The following NBAS variants were observed in gnomAD, a reference collection of about 807,000 sequenced individuals.
The protein encoded by NBAS is NBAS subunit of NRZ tethering complex, also known as NAG/BC035112 fusion.
NBAS carries 219 observed loss-of-function variants against 302.5 expected under a neutral mutation model. The observed-to-expected ratio is 0.72, with a 90% confidence interval of 0.65 to 0.81. The LOEUF (loss-of-function observed/expected upper bound fraction) is 0.81. Ranked by LOEUF, NBAS falls within the 30% of genes least tolerant of loss-of-function variation. The pLI is 0.00. For missense variants in NBAS, 2,932 were observed against 2,841.6 expected (o/e 1.03, Z -0.72); for synonymous variants, 1,118 against 1,021.6 (o/e 1.09, Z -1.80).
chr2:15,364,755 C>G (rs1674113281), intron 32 of NBAS, among the ~76,000 whole-genome samples: 1 of 152,060 alleles, frequency 6.6e-6, no homozygotes, highest in South Asian at 2.1e-4. Context: ...AGTAATGCAG[C>G]CTTTGACAGA....
At chr2:14,807,492 G>A in the NBAS span, among the ~76,000 whole-genome samples, 1 of 150,120 alleles carries the variant, frequency 6.7e-6, no homozygotes, top group African/African-American at 2.5e-5. Flanking sequence ...TGTGTAACCG[G>A]GTGAATATTG....
intron 35 of NBAS, among the ~76,000 whole-genome samples, chr2:15,333,008 G>C (rs1316781800): frequency 6.6e-6 from 1 of 152,176 alleles, no homozygotes; most frequent in Non-Finnish European, 1.5e-5. Flanking sequence ...AAGGAGCTCA[G>C]AAAATAGGAA....
At chr2:15,383,549 A>G (rs1309244494) in intron 28 of NBAS, among the ~76,000 whole-genome samples, 1 of 152,208 alleles carries the variant, frequency 6.6e-6, no homozygotes, top group Admixed American at 6.5e-5. Flanking sequence ...ATGGTGACAA[A>G]GTGGTCTGTC....
the NBAS span, among the ~76,000 whole-genome samples, chr2:14,994,975 A>C: frequency 4.5e-3 from 687 of 152,240 alleles, 7 homozygotes; most frequent in African/African-American, 0.016. Context: ...TCAGCTGGTG[A>C]GTATGTCAAA....
the NBAS span, among the ~76,000 whole-genome samples, chr2:15,112,267 TG>T: frequency 1.3e-5 from 2 of 151,768 alleles, no homozygotes; most frequent in African/African-American, 4.8e-5. Flanking sequence ...TTTAAAAAAT[TG>T]CTTTTAGAAA....
the NBAS span, among the ~76,000 whole-genome samples, chr2:14,816,658 A>G: frequency 6.6e-6 from 1 of 152,222 alleles, no homozygotes; most frequent in African/African-American, 2.4e-5. Flanking sequence ...ATTCATTCGT[A>G]AAGATTCAGT....
chr2:14,854,570 C>T, the NBAS span, among the ~76,000 whole-genome samples: 1 of 151,824 alleles, frequency 6.6e-6, no homozygotes, highest in Non-Finnish European at 1.5e-5. Flanking sequence ...AAATTGCAGA[C>T]CCCGCTCCTC....
chr2:14,805,135 A>T, the NBAS span, among the ~76,000 whole-genome samples: 1 of 152,228 alleles, frequency 6.6e-6, no homozygotes, highest in Non-Finnish European at 1.5e-5. Flanking sequence ...GGGGAAGAAC[A>T]GGTGAAAAAT....
intron 21 of NBAS, among the ~76,000 whole-genome samples, chr2:15,451,051 C>CATTT (rs1459763924): frequency 3.3e-5 from 5 of 151,780 alleles, no homozygotes; most frequent in East Asian, 1.9e-4. Context: ...TTCATTCATC[C>CATTT]ATTTATTTAT....
the NBAS span, among the ~76,000 whole-genome samples, chr2:14,912,702 T>TAAA: frequency 2.1e-3 from 208 of 101,108 alleles, no homozygotes; most frequent in African/African-American, 7.5e-3. Context: ...GCATTCATTT[T>TAAA]TAAAAAAAAA....
At chr2:15,513,519 T>A (rs1008299554) in intron 9 of NBAS, among the ~76,000 whole-genome samples, 3 of 151,258 alleles carry the variant, frequency 2.0e-5, no homozygotes, top group South Asian at 2.1e-4. Context: ...AAAATATTGA[T>A]GAAAAAAGAA....
the NBAS span, among the ~76,000 whole-genome samples, chr2:14,779,382 A>C: frequency 6.6e-6 from 1 of 152,168 alleles, no homozygotes; most frequent in Non-Finnish European, 1.5e-5. Context: ...AATAGCTCAC[A>C]TCAGTCCTCT....
rs760059454 is a variant in NBAS, at chr2:15,396,397, CTG to C, written c.3134+14_3134+15del. ...TAATAAGCATGGAGAAAAAAAAAAA[CTG>C]TCATTTTTCTCACCTGAGAATTTGT... On this transcript the variant is annotated intron_variant, in intron 27 of 51. Transcript: ENST00000281513. The C allele has an allele frequency of 3.2e-6, 5 of 1,571,872 alleles. No homozygotes were observed. The highest frequency in any genetic ancestry group is 3.5e-6 in the Non-Finnish European group (4 of 1,152,292).
intron 50 of NBAS, among the ~76,000 whole-genome samples, chr2:15,186,108 ACAT>A (rs1243001029): frequency 6.7e-6 from 1 of 149,616 alleles, no homozygotes; most frequent in Non-Finnish European, 1.5e-5. Context: ...ACACACACAC[ACAT>A]ATGTGTATGT....
At position 15,418,037 on chromosome 2, in the gene NBAS, T is replaced by TAAG. The variant is rs200497351; in HGVS notation, c.2578-328_2578-326dup. On this transcript the variant is annotated intron_variant, in intron 23 of 51. Transcript: ENST00000281513. ...TTCTTACAACATTATATTTACATAA[T>TAAG]AAGAGAAAAAACACATACCTACTAA... Among the ~76,000 whole-genome samples, 1,027 of 152,276 alleles carry TAAG rather than the reference T, an allele frequency of 6.7e-3. 12 individuals carry two copies. The highest frequency in any genetic ancestry group is 0.022 in the African/African-American group (926 of 41,570).
the NBAS span, among the ~76,000 whole-genome samples, chr2:14,967,017 T>C: frequency 6.6e-6 from 1 of 152,128 alleles, no homozygotes; most frequent in Non-Finnish European, 1.5e-5. Flanking sequence ...TGTATACTGA[T>C]AAACAATTAG....
the NBAS span, among the ~76,000 whole-genome samples, chr2:14,918,560 G>C: frequency 6.6e-6 from 1 of 152,210 alleles, no homozygotes; most frequent in Non-Finnish European, 1.5e-5. Context: ...TTCATGTCTA[G>C]ACCATTAACC....
In NBAS at chr2:15,276,920, A is replaced by T; in HGVS notation, c.5320T>A (p.Leu1774Met). Residue 1774 changes from leucine to methionine, a missense_variant, in exon 43 of 52, where the codon TTG becomes ATG. By Grantham distance (15) the Leu-to-Met change is conservative. Transcript: ENST00000281513. Reference sequence around the variant, plus strand: ...TCTGGTTTAATGGCACAGTTCCCCAAATCTGCACAGCCACAGTTTTCCAGA... The same window carrying T: ...TCTGGTTTAATGGCACAGTTCCCCATATCTGCACAGCCACAGTTTTCCAGA... ...TLLENCGCADLGNCAIKPETH... is the reference protein window; with the variant it reads ...TLLENCGCADMGNCAIKPETH... 6.2e-7 allele frequency: 1 copy of T among 1,614,054 alleles called. No individual in the cohort carries two copies. The highest frequency in any genetic ancestry group is 8.5e-7 in the Non-Finnish European group (1 of 1,179,978).
chr2:15,513,172 C>T (rs1662222930), intron 9 of NBAS, among the ~76,000 whole-genome samples: 1 of 152,218 alleles, frequency 6.6e-6, no homozygotes, highest in South Asian at 2.1e-4. Context: ...CTTGGGCCTA[C>T]ACACAAAGCC....
Sources: gnomAD v4.1 joint callset for allele counts (sites outside exome capture counted in the v4.1 genomes callset) on GRCh38, gnomAD v4.1.1 for gene constraint, MANE v1.5 for transcripts, NCBI Gene and HGNC (gene_info 2026-07-23, HGNC 2026-07-21) for gene names.